Variants in STK26 observed in about 807,000 individuals in gnomAD.
The protein encoded by STK26 is serine/threonine-protein kinase 26.
STK26 carries 14 observed loss-of-function variants against 34.7 expected under a neutral mutation model. The observed-to-expected ratio is 0.40, with a 90% CI of 0.27 to 0.63. The LOEUF is 0.63. Among genes scored for constraint, STK26 ranks in the 30% least tolerant of loss-of-function variants. The pLI is 0.38. For missense variants in STK26, 226 were observed against 309.1 expected, an observed-to-expected ratio of 0.73 and a Z score of 2.02; for synonymous variants, 100 against 109.8, an observed-to-expected ratio of 0.91 and a Z score of 0.56.
chrX:132,074,119 T>C lies in STK26; in HGVS notation c.1227-16T>C. ...CATAGTTGTACATTGGTTTAAATTT[T>C]TTAAAAATTTTATAGGTGTTCAGCA... On this transcript the variant is annotated splice_polypyrimidine_tract_variant and intron_variant, in intron 11 of 11. Transcript: ENST00000394334. 1 of 1,196,151 alleles carries C rather than the reference T, an allele frequency of 8.4e-7. No homozygotes were observed. The highest frequency in any genetic ancestry group is 1.1e-6 in the Non-Finnish European group (1 of 885,250).
intron 2 of STK26, among the ~76,000 whole-genome samples, chrX:132,032,923 T>C (rs1442738996): frequency 9.0e-6 from 1 of 111,537 alleles, no homozygotes; most frequent in Non-Finnish European, 1.9e-5. Flanking sequence ...TTCAAGAACA[T>C]CTAGAAGCAT....
chrX:132,034,115 T>C (rs1356786113), intron 2 of STK26, among the ~76,000 whole-genome samples: 1 of 100,650 alleles, frequency 9.9e-6, no homozygotes, highest in Non-Finnish European at 2.0e-5. Context: ...TAAATACATA[T>C]ATATATATAT....
At position 132,071,165 on chromosome X, in the gene STK26, T is replaced by C. The variant is rs777071702; in HGVS notation, c.880T>C (p.Trp294Arg). 8.3e-7 allele frequency: 1 copy of C among 1,209,071 alleles called. No individual in the cohort carries two copies. The highest frequency in any genetic ancestry group is 1.8e-5 in the South Asian group (1 of 56,786). The change falls in exon 8 of 12, where the codon TGG (tryptophan) becomes CGG (arginine). Residue 294 changes from tryptophan (W) to arginine (R), a missense_variant. Around this residue, in one of 2 missense-constraint regions of STK26, gnomAD observed 126 missense variants for 132.4 expected, o/e 0.95. Coordinates refer to ENST00000394334, the MANE Select transcript of STK26 (RefSeq NM_016542.4). ...TGAACTGATAGATCGTTTTAAGAGA[T>C]GGAAGGCAGAAGGACACAGTGATGA... ...LTELIDRFKRWKAEGHSDDES... is the reference protein window; with the variant it reads ...LTELIDRFKRRKAEGHSDDES...
chrX:132,023,714 C>A, intron 2 of STK26, 55 bp downstream of exon 2: 1 of 1,147,562 alleles, frequency 8.7e-7, no homozygotes, highest in Non-Finnish European at 1.2e-6. Context: ...GAGCCCGGTG[C>A]GCCCTCGGTG....
chrX:132,066,153 A>G lies in STK26; in HGVS notation c.331-2062A>G, dbSNP rs12858569. 8.1e-3 allele frequency among the ~76,000 whole-genome samples: 908 copies of G among 112,159 alleles called. 5 individuals are homozygous for G. Among genetic ancestry groups the G allele is most frequent in the Non-Finnish European group, 0.012 (625 of 53,189 alleles). ...CTACCTTGAGTCACTCCCATTCTTGAAAAACAATTTATTGTATGTGAGCAG... is the reference window on the plus strand; with the variant it reads ...CTACCTTGAGTCACTCCCATTCTTGGAAAACAATTTATTGTATGTGAGCAG... On this transcript the variant is annotated intron_variant, in intron 4 of 11. Coordinates refer to ENST00000394334, the MANE Select transcript of STK26 (RefSeq NM_016542.4).
intron 2 of STK26, among the ~76,000 whole-genome samples, chrX:132,051,926 C>T (rs1924243629): frequency 9.0e-6 from 1 of 110,723 alleles, no homozygotes; most frequent in African/African-American, 3.3e-5. Context: ...GACATGCACT[C>T]ATCCTTTTTT....
intron 3 of STK26, among the ~76,000 whole-genome samples, chrX:132,057,026 G>A (rs1926883242): frequency 3.6e-5 from 4 of 111,878 alleles, no homozygotes; most frequent in Non-Finnish European, 1.9e-5. Flanking sequence ...CCTTGGCTCC[G>A]GGGCCCTGGG....
intron 2 of STK26, among the ~76,000 whole-genome samples, chrX:132,025,900 T>C (rs950506690): frequency 9.0e-6 from 1 of 111,306 alleles, no homozygotes; most frequent in African/African-American, 3.3e-5. Flanking sequence ...ATCGTGAGCT[T>C]GTAAAATTCT....
At chrX:132,073,131 T>A in intron 11 of STK26, 38 bp downstream of exon 11, 1 of 1,144,848 alleles carries the variant, frequency 8.7e-7, no homozygotes, top group East Asian at 3.0e-5. Context: ...TATTTTGCAT[T>A]TTCTGTTGTA....
In STK26 at chrX:132,038,766, C is replaced by CCCTT. The variant is rs1556011889; in HGVS notation, c.42+15108_42+15111dup. Among the ~76,000 whole-genome samples, 3 of 110,535 alleles carry CCCTT rather than the reference C, an allele frequency of 2.7e-5. No homozygotes were observed. In the East Asian group the frequency reaches 8.5e-4, roughly 31 times the overall value. On this transcript the variant is annotated intron_variant, in intron 2 of 11. Transcript: ENST00000394334. ...CAGTAGGTTCTGGCATTAAAGGTCT[C>CCCTT]CCTTGGGGAATGATTAAAACAGTTC...
At chrX:132,037,826 T>C (rs1926118382) in intron 2 of STK26, among the ~76,000 whole-genome samples, 1 of 100,269 alleles carries the variant, frequency 1.0e-5, no homozygotes, top group Non-Finnish European at 2.0e-5. Flanking sequence ...ATGGTGACTG[T>C]CACTGAAAGA....
intron 2 of STK26, among the ~76,000 whole-genome samples, chrX:132,045,246 A>G (rs1011713929): frequency 9.0e-6 from 1 of 110,875 alleles, no homozygotes; most frequent in African/African-American, 3.3e-5. Context: ...AGTGATTTTG[A>G]ATTTCTCACT....
chrX:132,050,682 T>G (rs1320153641), intron 2 of STK26, among the ~76,000 whole-genome samples: 3 of 112,260 alleles, frequency 2.7e-5, no homozygotes, highest in African/African-American at 9.7e-5. Flanking sequence ...GAAGAAGTAT[T>G]GCAGACTTCA....
At chrX:132,068,188 A>G (rs1927282697) in intron 4 of STK26, 27 bp from the exon 5 acceptor site, 3 of 1,080,318 alleles carry the variant, frequency 2.8e-6, no homozygotes, top group Non-Finnish European at 3.8e-6. Flanking sequence ...ACATATGTGT[A>G]TGTGTGTGTG....
chrX:132,056,925 G>A lies in STK26; in HGVS notation c.273+2064G>A, dbSNP rs1007714271. Among the ~76,000 whole-genome samples, 16 of 112,020 alleles carry A rather than the reference G, an allele frequency of 1.4e-4. No individual in the cohort carries two copies. In the Admixed American group the frequency reaches 1.5e-3, roughly 10 times the overall value. On this transcript the variant is annotated intron_variant, in intron 3 of 11. Transcript: ENST00000394334. ...TGTCTGAGCTGTGGGTGGGTCCAGT[G>A]CAACCACTCAGCTGGTCTGGAGTCC... is the stretch of plus-strand genomic sequence containing the variant.
chrX:132,032,443 G>A (rs1925876894), intron 2 of STK26, among the ~76,000 whole-genome samples: 1 of 111,945 alleles, frequency 8.9e-6, no homozygotes, highest in African/African-American at 3.3e-5. Context: ...CGAAGCCATT[G>A]TGTTTTTGCA....
intron 3 of STK26, among the ~76,000 whole-genome samples, chrX:132,062,035 A>G (rs780518650): frequency 2.7e-5 from 3 of 112,614 alleles, no homozygotes; most frequent in South Asian, 7.3e-4. Context: ...TTTTTATGCT[A>G]TACTACGAAT....
At position 132,060,057 on chromosome X, in the gene STK26, G is replaced by A. The variant is rs189563119; in HGVS notation, c.274-3376G>A. 2.5e-3 allele frequency among the ~76,000 whole-genome samples: 274 copies of A among 111,739 alleles called. 1 individual carries two copies. The highest frequency in any genetic ancestry group is 8.6e-3 in the African/African-American group (266 of 30,836). On this transcript the variant is annotated intron_variant, in intron 3 of 11. Coordinates refer to ENST00000394334, the MANE Select transcript of STK26 (RefSeq NM_016542.4). Reference sequence around the variant, plus strand: ...ACTTAATATAATACACCTCTAAGAAGCCCCATGTTAGATTCAATTCAACAG... The same window carrying A: ...ACTTAATATAATACACCTCTAAGAAACCCCATGTTAGATTCAATTCAACAG...
rs1925919413 is a variant in STK26 at position 132,033,531 on chromosome X, G to C, written c.42+9872G>C. On this transcript the variant is annotated intron_variant, in intron 2 of 11. Coordinates refer to ENST00000394334, the MANE Select transcript of STK26 (RefSeq NM_016542.4). ...TGGCAAACTCATTAATTAGGATCCT[G>C]TTTGAGTTTCTAGTTTTAGTTCAAA... 4.5e-5 allele frequency among the ~76,000 whole-genome samples: 5 copies of C among 112,230 alleles called. No homozygotes were observed. In the Admixed American group the frequency reaches 4.7e-4, roughly 11 times the overall value.
Sources: gnomAD v4.1 joint callset for allele counts (sites outside exome capture counted in the v4.1 genomes callset) on GRCh38, gnomAD v4.1.1 for gene constraint, gnomAD v4.1.1 regional missense constraint, MANE v1.5 for transcripts, NCBI Gene and HGNC (gene_info 2026-07-23, HGNC 2026-07-21) for gene names.